CALN1: variants seen among roughly 807,000 people sequenced by gnomAD.
CALN1 encodes calneuron 1.
Under a neutral mutation model 30.6 loss-of-function variants are expected in CALN1, and 17 were observed. The ratio of observed to expected loss-of-function variants is 0.56; its 90% confidence interval spans 0.38 to 0.83. The LOEUF is 0.83. Ranked by LOEUF, CALN1 falls within the 40% of genes least tolerant of loss-of-function variation. The pLI is 0.00. For synonymous variants in CALN1, 156 were observed against 131.4 expected, an observed-to-expected ratio of 1.19 and a Z score of -1.28; for missense variants, 291 against 354.9, an observed-to-expected ratio of 0.82 and a Z score of 1.45.
chr7:72,355,479 T>C (rs917813643), intron 2 of CALN1, among the ~76,000 whole-genome samples: 3 of 152,110 alleles, frequency 2.0e-5, no homozygotes, highest in Non-Finnish European at 4.4e-5. Flanking sequence ...TGAGCCGGGA[T>C]TACACCACTG....
chr7:72,184,900 C>A (rs1453173661), intron 3 of CALN1, among the ~76,000 whole-genome samples: 1 of 152,016 alleles, frequency 6.6e-6, no homozygotes, highest in African/African-American at 2.4e-5. Flanking sequence ...TCAAGTGATC[C>A]CCCATCTCAG....
intron 3 of CALN1, among the ~76,000 whole-genome samples, chr7:72,161,235 G>T (rs1372322590): frequency 6.6e-6 from 1 of 152,196 alleles, no homozygotes; most frequent in African/African-American, 2.4e-5. Context: ...CCTCCAAATT[G>T]TCCACATCTT....
chr7:72,450,069 G>A (rs1223224444), upstream of CALN1, among the ~76,000 whole-genome samples: 1 of 151,882 alleles, frequency 6.6e-6, no homozygotes, highest in African/African-American at 2.4e-5. Context: ...AGCTGAACAT[G>A]TTTGTGCATA....
At chr7:72,466,256 TG>T in the CALN1 span, among the ~76,000 whole-genome samples, 1 of 151,958 alleles carries the variant, frequency 6.6e-6, no homozygotes, top group Admixed American at 6.5e-5. Flanking sequence ...TGTGTGTGTG[TG>T]TACACACACA....
chr7:71,988,044 A>G (rs987533909), intron 5 of CALN1, among the ~76,000 whole-genome samples: 3 of 152,108 alleles, frequency 2.0e-5, no homozygotes, highest in Admixed American at 1.3e-4. Context: ...GTCAGCAAAC[A>G]GTCTGCAGCA....
intron 5 of CALN1, among the ~76,000 whole-genome samples, chr7:71,959,557 A>G (rs1198311728): frequency 6.6e-6 from 1 of 152,036 alleles, no homozygotes; most frequent in East Asian, 1.9e-4. Context: ...TGATATAGAT[A>G]GAAGAGACTT....
chr7:72,446,358 T>A (rs1208154997), intron 1 of CALN1, among the ~76,000 whole-genome samples: 2 of 152,208 alleles, frequency 1.3e-5, no homozygotes, highest in African/African-American at 2.4e-5. Context: ...AGCAGATTCC[T>A]GAATCAAAAC....
chr7:72,323,675 TAA>T (rs111443754), intron 2 of CALN1, among the ~76,000 whole-genome samples: 8,689 of 139,200 alleles, frequency 0.062, 348 homozygotes, highest in South Asian at 0.11. Flanking sequence ...AAAAAAAAAA[TAA>T]AAAATAAAGA....
At chr7:72,243,997 G>A (rs1163652225) in intron 3 of CALN1, among the ~76,000 whole-genome samples, 1 of 152,166 alleles carries the variant, frequency 6.6e-6, no homozygotes, top group Non-Finnish European at 1.5e-5. Flanking sequence ...CTACTGTCAA[G>A]TCTGTATATT....
intron 5 of CALN1, among the ~76,000 whole-genome samples, chr7:71,847,640 C>T (rs962122683): frequency 2.0e-5 from 3 of 149,048 alleles, no homozygotes; most frequent in Non-Finnish European, 3.0e-5. Context: ...CAAGATTGCA[C>T]CACTGCACGC....
intron 3 of CALN1, among the ~76,000 whole-genome samples, chr7:72,222,677 C>A (rs1179304973): frequency 6.6e-6 from 1 of 152,108 alleles, no homozygotes; most frequent in Admixed American, 6.6e-5. Context: ...CTCTCAGGAT[C>A]TTGCTTGACA....
rs1802731390 is a variant in CALN1 at position 72,347,959 on chromosome 7, T to C, written c.119+55292A>G. Among the ~76,000 whole-genome samples, 3 of 151,998 alleles carry C rather than the reference T, an allele frequency of 2.0e-5. No homozygotes were observed. The South Asian group carries it at 6.2e-4, about 32-fold the overall frequency. ...CAGCCTGGCCAACATGCTGAGACCC[T>C]GTCTCTACTAAAAATGCAAAAATTA... On this transcript the variant is annotated intron_variant, in intron 2 of 6. Transcript: ENST00000395275.
At chr7:72,209,206 CTCCT>C (rs1792150858) in intron 3 of CALN1, among the ~76,000 whole-genome samples, 7 of 125,426 alleles carry the variant, frequency 5.6e-5, no homozygotes, top group African/African-American at 1.0e-4. Context: ...CCCTCCTTCC[CTCCT>C]TCCTTCCCTC....
At chr7:71,924,293 C>CTTTTTAAAAAAGATTAGGATTTCAGATA in intron 5 of CALN1, among the ~76,000 whole-genome samples, 1 of 144,144 alleles carries the variant, frequency 6.9e-6, no homozygotes, top group Non-Finnish European at 1.5e-5. Context: ...GATTTCAGAT[C>CTTTTTAAAAAAGATTAGGATTTCAGATA]TTTTTGCAGT....
intron 2 of CALN1, among the ~76,000 whole-genome samples, chr7:72,402,987 T>C (rs1315322524): frequency 6.6e-6 from 1 of 152,222 alleles, no homozygotes; most frequent in Non-Finnish European, 1.5e-5. Context: ...TTTGTCATTG[T>C]TCACCTGAAA....
At chr7:71,867,916 G>GTAAAT (rs1474826905) in intron 5 of CALN1, among the ~76,000 whole-genome samples, 1 of 152,148 alleles carries the variant, frequency 6.6e-6, no homozygotes, top group Non-Finnish European at 1.5e-5. Context: ...ACTTATTTAT[G>GTAAAT]AGGACTATTT....
chr7:72,432,279 T>C (rs1003035177), intron 1 of CALN1, among the ~76,000 whole-genome samples: 6 of 152,194 alleles, frequency 3.9e-5, no homozygotes, highest in Non-Finnish European at 7.3e-5. Context: ...TCCTTCGTCT[T>C]CTGCCATGGT....
chr7:71,990,984 T>C (rs1252343878), intron 5 of CALN1, among the ~76,000 whole-genome samples: 2 of 146,608 alleles, frequency 1.4e-5, no homozygotes, highest in Admixed American at 1.4e-4. Flanking sequence ...AAATCAGGAG[T>C]ACTAACGCAG....
At chr7:72,151,197 T>C (rs1787217178) in intron 3 of CALN1, among the ~76,000 whole-genome samples, 1 of 152,146 alleles carries the variant, frequency 6.6e-6, no homozygotes, top group South Asian at 2.1e-4. Flanking sequence ...AGGTTATATG[T>C]AGGGTTGGTG....
Sources: allele counts gnomAD v4.1 joint callset (sites outside exome capture counted in the v4.1 genomes callset), GRCh38; gene constraint gnomAD v4.1.1; transcripts MANE v1.5; gene names NCBI Gene and HGNC (gene_info 2026-07-23, HGNC 2026-07-21).